ZCCHC7: variants seen among roughly 807,000 people sequenced by gnomAD.
The protein encoded by ZCCHC7 is zinc finger CCHC domain-containing protein 7.
A neutral mutation model predicts 52.0 loss-of-function variants in ZCCHC7; 35 were observed. The observed-to-expected ratio is 0.67, with a 90% confidence interval of 0.51 to 0.89. The LOEUF (loss-of-function observed/expected upper bound fraction) is 0.89, where lower values mean the gene tolerates loss of function less well. Ranked by LOEUF, ZCCHC7 falls within the 40% of genes least tolerant of loss-of-function variation. The pLI, the probability that ZCCHC7 is intolerant of heterozygous loss-of-function variation, is 0.00. For synonymous variants in ZCCHC7, 217 were observed against 221.5 expected (o/e 0.98, Z 0.18); for missense variants, 574 against 649.1 (o/e 0.88, Z 1.26).
At chr9:37,133,537 G>A (rs1392408577) in intron 2 of ZCCHC7, among the ~76,000 whole-genome samples, 1 of 151,202 alleles carries the variant, frequency 6.6e-6, no homozygotes, top group African/African-American at 2.4e-5. Flanking sequence ...CACCATGCTT[G>A]GCTAATTTTT....
rs944210638 is a variant in ZCCHC7, at chr9:37,196,232, C to T, written c.610+69290C>T. ...CTCTGGGTCACTCTGTCCAGTACAA[C>T]AATAGGCTTGCTATGTATTTTGGAT... On this transcript the variant is annotated intron_variant, in intron 2 of 8. Coordinates refer to ENST00000336755, the MANE Select transcript of ZCCHC7 (RefSeq NM_032226.3). Among the ~76,000 whole-genome samples the T allele has an allele frequency of 3.9e-5, 6 of 152,300 alleles. No individual in the cohort carries two copies. In the South Asian group the frequency reaches 8.3e-4, roughly 21 times the overall value.
chr9:37,275,633 CTT>C (rs1250698953), intron 2 of ZCCHC7, among the ~76,000 whole-genome samples: 1 of 151,844 alleles, frequency 6.6e-6, no homozygotes, highest in Non-Finnish European at 1.5e-5. Flanking sequence ...ATGGCAGACT[CTT>C]TTTTCTTTTC....
intron 7 of ZCCHC7, among the ~76,000 whole-genome samples, chr9:37,353,765 C>T (rs7866928): frequency 0.2 from 30,569 of 152,058 alleles, 3,308 homozygotes; most frequent in Middle Eastern, 0.24. Flanking sequence ...CTAGTTCAGA[C>T]TTGGCTTAAT....
chr9:37,203,229 A>G (rs1342533164), intron 2 of ZCCHC7, among the ~76,000 whole-genome samples: 1 of 152,210 alleles, frequency 6.6e-6, no homozygotes, highest in Non-Finnish European at 1.5e-5. Context: ...TAATTTTCTC[A>G]AAGGCATTTT....
intron 2 of ZCCHC7, among the ~76,000 whole-genome samples, chr9:37,198,779 G>C (rs1823427272): frequency 6.6e-6 from 1 of 152,288 alleles, no homozygotes; most frequent in South Asian, 2.1e-4. Context: ...AAATTTGAAA[G>C]ATTAGTAAGA....
In ZCCHC7 at chr9:37,335,981, C is replaced by G. The variant is rs548669016; in HGVS notation, c.987+8147C>G. ...AATAAATTATATAAATATTTGCTCT[C>G]TATACAAATGATGAGAATAAAACGA... On this transcript the variant is annotated intron_variant, in intron 6 of 8. Transcript: ENST00000336755. Among the ~76,000 whole-genome samples the G allele has an allele frequency of 2.0e-5, 3 of 152,120 alleles. No individual in the cohort carries two copies. In the South Asian group the frequency reaches 6.2e-4, roughly 32 times the overall value.
chr9:37,251,532 C>T (rs1006073952), intron 2 of ZCCHC7, among the ~76,000 whole-genome samples: 3 of 152,178 alleles, frequency 2.0e-5, no homozygotes, highest in African/African-American at 7.2e-5. Context: ...TCAGACATCA[C>T]CTTTCTTGGG....
chr9:37,208,154 A>G (rs1474972819), intron 2 of ZCCHC7, among the ~76,000 whole-genome samples: 1 of 152,086 alleles, frequency 6.6e-6, no homozygotes, highest in East Asian at 1.9e-4. Flanking sequence ...GTGCAGTGGC[A>G]TGATCACACA....
chr9:37,184,509 A>T (rs1338780194), intron 2 of ZCCHC7, among the ~76,000 whole-genome samples: 1 of 151,746 alleles, frequency 6.6e-6, no homozygotes, highest in Admixed American at 6.6e-5. Flanking sequence ...CTGATCTCTT[A>T]TCCTGAATCC....
chr9:37,165,370 G>A (rs999972009), intron 2 of ZCCHC7, among the ~76,000 whole-genome samples: 1 of 152,008 alleles, frequency 6.6e-6, no homozygotes, highest in Non-Finnish European at 1.5e-5. Flanking sequence ...TATAGGGCGA[G>A]AGTGAACATC....
intron 2 of ZCCHC7, among the ~76,000 whole-genome samples, chr9:37,187,477 T>A (rs575577758): frequency 6.6e-6 from 1 of 152,346 alleles, no homozygotes; most frequent in South Asian, 2.1e-4. Context: ...GCTGCTCACC[T>A]CCTGCTGTGT....
At chr9:37,146,820 G>A (rs1489221679) in intron 2 of ZCCHC7, among the ~76,000 whole-genome samples, 1 of 151,826 alleles carries the variant, frequency 6.6e-6, no homozygotes, top group African/African-American at 2.4e-5. Context: ...GAAGTAAATA[G>A]ATGTTAAGTT....
intron 2 of ZCCHC7, among the ~76,000 whole-genome samples, chr9:37,127,494 A>G (rs929962351): frequency 6.6e-6 from 1 of 152,198 alleles, no homozygotes; most frequent in Non-Finnish European, 1.5e-5. Flanking sequence ...GTTATAGGGG[A>G]GAATGCAAAT....
intron 2 of ZCCHC7, among the ~76,000 whole-genome samples, chr9:37,270,283 G>T (rs1827340170): frequency 6.6e-6 from 1 of 152,162 alleles, no homozygotes; most frequent in Non-Finnish European, 1.5e-5. Context: ...TTAGGATTGG[G>T]CCTTGAGATA....
At chr9:37,238,154 G>C (rs1480710892) in intron 2 of ZCCHC7, among the ~76,000 whole-genome samples, 2 of 152,184 alleles carry the variant, frequency 1.3e-5, no homozygotes, top group Non-Finnish European at 1.5e-5. Flanking sequence ...GAAGAAAGGA[G>C]AGATTTGTTT....
chr9:37,312,325 T>G lies in ZCCHC7; in HGVS notation c.951+6611T>G, dbSNP rs150027470. Reference sequence around the variant, plus strand: ...GCAAAAATTTGCTGGTTGCCTCTTATATGCCAGACAGTATTCCAAGTACTA... The same window carrying G: ...GCAAAAATTTGCTGGTTGCCTCTTAGATGCCAGACAGTATTCCAAGTACTA... On this transcript the variant is annotated intron_variant, in intron 5 of 8. Transcript: ENST00000336755. Among the ~76,000 whole-genome samples, 88 of 152,328 alleles carry G rather than the reference T, an allele frequency of 5.8e-4. No homozygotes were observed. The East Asian group carries it at 0.016, about 28-fold the overall frequency.
At chr9:37,315,506 T>C (rs567526519) in intron 5 of ZCCHC7, among the ~76,000 whole-genome samples, 2 of 152,114 alleles carry the variant, frequency 1.3e-5, no homozygotes, top group East Asian at 3.9e-4. Context: ...ATAATAAATA[T>C]TATGAGCTAA....
intron 2 of ZCCHC7, among the ~76,000 whole-genome samples, chr9:37,253,432 T>G (rs1826426693): frequency 6.6e-6 from 1 of 152,060 alleles, no homozygotes; most frequent in Admixed American, 6.5e-5. Flanking sequence ...ACATTGAAGT[T>G]ATAGCATTTT....
chr9:37,326,828 A>G (rs1015522515), intron 5 of ZCCHC7: 1 of 152,070 alleles, frequency 6.6e-6, no homozygotes, highest in Non-Finnish European at 1.5e-5. Flanking sequence ...GTCTTACTCT[A>G]ATTTTAGGCA....
Sources: gnomAD v4.1 joint callset for allele counts (sites outside exome capture counted in the v4.1 genomes callset) on GRCh38, gnomAD v4.1.1 for gene constraint, MANE v1.5 for transcripts, NCBI Gene and HGNC (gene_info 2026-07-23, HGNC 2026-07-21) for gene names.